AEBP2: variants seen among roughly 807,000 people sequenced by gnomAD.
AEBP2 encodes the protein zinc finger protein AEBP2.
Under a neutral mutation model 50.8 loss-of-function variants are expected in AEBP2, and 10 were observed. The observed-to-expected ratio is 0.20, with a 90% confidence interval of 0.12 to 0.33. The LOEUF (loss-of-function observed/expected upper bound fraction) is 0.33, where lower values mean the gene tolerates loss of function less well. Ranked by LOEUF, AEBP2 falls within the 10% of genes least tolerant of loss-of-function variation. AEBP2 has a pLI of 1.00. For synonymous variants in AEBP2, 296 were observed against 261.3 expected (o/e 1.13, Z -1.28); for missense variants, 570 against 688.0 (o/e 0.83, Z 1.92).
chr12:19,477,531 TC>T (rs1948667074), intron 3 of AEBP2, among the ~76,000 whole-genome samples: 1 of 152,248 alleles, frequency 6.6e-6, no homozygotes, highest in Non-Finnish European at 1.5e-5. Flanking sequence ...ATATGCTTTT[TC>T]TGCATCTATT....
intron 4 of AEBP2, among the ~76,000 whole-genome samples, chr12:19,496,786 C>A (rs1056386724): frequency 6.6e-6 from 1 of 151,320 alleles, no homozygotes; most frequent in Non-Finnish European, 1.5e-5. Flanking sequence ...CTCAGCCTCC[C>A]AGGTAGCTTG....
At chr12:19,475,982 T>C (rs1054459355) in intron 3 of AEBP2, among the ~76,000 whole-genome samples, 11 of 152,208 alleles carry the variant, frequency 7.2e-5, no homozygotes, top group African/African-American at 2.4e-4. Context: ...GGTTGTCTGT[T>C]TATTCTGCTG....
At chr12:19,409,920 C>A (rs921255491) in intron 1 of AEBP2, among the ~76,000 whole-genome samples, 4 of 152,160 alleles carry the variant, frequency 2.6e-5, no homozygotes, top group African/African-American at 9.7e-5. Flanking sequence ...AAAATGCAAA[C>A]TCTCTGAATC....
intron 1 of AEBP2, among the ~76,000 whole-genome samples, chr12:19,446,937 C>CA (rs1038916040): frequency 1.3e-5 from 2 of 151,450 alleles, no homozygotes; most frequent in Admixed American, 6.6e-5. Flanking sequence ...AACAAAAAAA[C>CA]AAAAAAACAA....
At chr12:19,404,108 G>A (rs2095734749) in exon 1 of AEBP2, 1 of 152,258 alleles carries the variant, frequency 6.6e-6, no homozygotes, top group Admixed American at 6.5e-5. Flanking sequence ...GGACAACGGA[G>A]ATCGTCCCCA....
Position 19,458,224 on chromosome 12 carries a change from T to C in AEBP2, c.672-4286T>C, listed in dbSNP as rs1948307922. ...CTGTCCTCTACTGTTGCATCAGGTCTGTTGCCTTCATCAGTCGAGAGAATG... is the reference window on the plus strand; with the variant it reads ...CTGTCCTCTACTGTTGCATCAGGTCCGTTGCCTTCATCAGTCGAGAGAATG... On this transcript the variant is annotated intron_variant, in intron 1 of 7. Transcript: ENST00000266508. 2.0e-5 allele frequency among the ~76,000 whole-genome samples: 3 copies of C among 152,242 alleles called. No individual in the cohort carries two copies. In the South Asian group the frequency reaches 6.2e-4, roughly 32 times the overall value.
At chr12:19,505,875 A>G (rs2120555605) in intron 5 of AEBP2, among the ~76,000 whole-genome samples, 1 of 152,208 alleles carries the variant, frequency 6.6e-6, no homozygotes, top group South Asian at 2.1e-4. Flanking sequence ...TCCTGGGCTC[A>G]AGCAGTCCTC....
At chr12:19,505,951 GT>G (rs111596455) in intron 5 of AEBP2, among the ~76,000 whole-genome samples, 46 of 148,504 alleles carry the variant, frequency 3.1e-4, no homozygotes, top group African/African-American at 9.9e-4. Flanking sequence ...AATTTTTTGA[GT>G]TTTTTTTTTA....
At chr12:19,455,602 T>G (rs1485930122) in intron 1 of AEBP2, among the ~76,000 whole-genome samples, 1 of 152,174 alleles carries the variant, frequency 6.6e-6, no homozygotes, top group African/African-American at 2.4e-5. Context: ...TAGAAGTAAT[T>G]TAAGACTCAA....
Position 19,494,065 on chromosome 12 carries a change from A to AAC in AEBP2, c.1174+80_1174+81dup, listed in dbSNP as rs528797302. 123 of 1,394,756 alleles carry AAC rather than the reference A, an allele frequency of 8.8e-5. 2 individuals are homozygous for AAC. The South Asian group carries it at 1.7e-3, about 19-fold the overall frequency. 86.4% of individuals were successfully genotyped at this position (1,394,756 alleles called of 1,614,324 possible). ...TAGACTTTTATGCAAATCCACTTTGAACTTCAACTCCTCTTCTATTAAAAG... is the reference window on the plus strand; with the variant it reads ...TAGACTTTTATGCAAATCCACTTTGAACACTTCAACTCCTCTTCTATTAAAAG... On this transcript the variant is annotated intron_variant, in intron 4 of 7. Coordinates refer to ENST00000266508, the MANE Select transcript of AEBP2 (RefSeq NM_153207.5).
intron 1 of AEBP2, among the ~76,000 whole-genome samples, chr12:19,454,302 T>C (rs973187038): frequency 2.0e-5 from 3 of 152,208 alleles, no homozygotes; most frequent in African/African-American, 7.2e-5. Context: ...AATGCAAAAG[T>C]GACCAGAACC....
At chr12:19,407,414 CT>C (rs1219682608) in intron 1 of AEBP2, among the ~76,000 whole-genome samples, 1 of 152,142 alleles carries the variant, frequency 6.6e-6, no homozygotes, top group Non-Finnish European at 1.5e-5. Flanking sequence ...AGCAATTCTC[CT>C]GCCTCAGCCT....
chr12:19,468,186 T>C (rs1171400278), intron 2 of AEBP2, among the ~76,000 whole-genome samples: 2 of 144,340 alleles, frequency 1.4e-5, no homozygotes, highest in African/African-American at 2.5e-5. Flanking sequence ...AGTCTTACTA[T>C]GTTGTCCAAG....
chr12:19,466,608 T>C (rs6486960), intron 2 of AEBP2: 133,972 of 159,538 alleles, frequency 0.84, 56,447 homozygotes, highest in African/African-American at 0.9. Context: ...TCTCTGCTCT[T>C]ACTAGCTCCT....
In AEBP2 at chr12:19,493,930, C is replaced by G; in HGVS notation, c.1118C>G (p.Ser373Cys). The G allele has an allele frequency of 1.2e-6, 2 of 1,613,188 alleles. No homozygotes were observed. The highest frequency in any genetic ancestry group is 1.7e-6 in the Non-Finnish European group (2 of 1,179,548). The part of the protein sequence containing the change: ...SQPKAKEESP[S>C]KAGMNKRRKL... ...CCAAAGGCCAAAGAAGAATCTCCTTCTAAAGCTGGAATGAACAAAAGGAGG... is the reference window on the plus strand; with the variant it reads ...CCAAAGGCCAAAGAAGAATCTCCTTGTAAAGCTGGAATGAACAAAAGGAGG... The change falls in exon 4 of 8, where the codon TCT becomes TGT. Residue 373 changes from serine (S) to cysteine (C), a missense_variant. Ser to Cys is a moderately radical substitution (Grantham distance 112, BLOSUM62 -1). Transcript: ENST00000266508.
In AEBP2 at chr12:19,519,037, A is replaced by G. The variant is rs1200942691; in HGVS notation, c.*920A>G. ...TTTTTTACAAGTATCTTCAAACTGA[A>G]TCTTTTATGCACCAAAGTTGGTCTT... On this transcript the variant is annotated 3_prime_UTR_variant, in exon 8 of 8. Coordinates refer to ENST00000266508, the MANE Select transcript of AEBP2 (RefSeq NM_153207.5). The G allele has an allele frequency of 5.9e-6, 1 of 168,536 alleles. No individual in the cohort carries two copies. Among genetic ancestry groups the G allele is most frequent in the African/African-American group, 2.4e-5 (1 of 42,108 alleles). 10.4% of individuals were successfully genotyped at this position (168,536 alleles called of 1,614,324 possible). A position where few individuals can be genotyped will look rare whatever the true frequency, so the allele number is the denominator to read the frequency against.
intron 5 of AEBP2, among the ~76,000 whole-genome samples, chr12:19,505,893 A>T (rs1168909995): frequency 4.0e-5 from 6 of 151,334 alleles, no homozygotes; most frequent in African/African-American, 1.5e-4. Flanking sequence ...CTCTCTCCTC[A>T]GTCTCCCAGG....
At chr12:19,423,422 C>T (rs1250433990) in intron 1 of AEBP2, among the ~76,000 whole-genome samples, 3 of 152,128 alleles carry the variant, frequency 2.0e-5, no homozygotes, top group African/African-American at 7.2e-5. Flanking sequence ...TTTAGGCATG[C>T]TTGAAGACAG....
At chr12:19,510,848 G>T (rs1368220792) in intron 5 of AEBP2, among the ~76,000 whole-genome samples, 1 of 139,150 alleles carries the variant, frequency 7.2e-6, no homozygotes, top group Non-Finnish European at 1.5e-5. Flanking sequence ...GCAGTACATC[G>T]CTTTTTAAGG....
Sources: gnomAD v4.1 joint callset for allele counts (sites outside exome capture counted in the v4.1 genomes callset) on GRCh38, gnomAD v4.1.1 for gene constraint, MANE v1.5 for transcripts, NCBI Gene and HGNC (gene_info 2026-07-23, HGNC 2026-07-21) for gene names.